Variants in ZNF783 observed in about 807,000 individuals in gnomAD.
ZNF783 encodes protein ZNF783.
ZNF783 carries 25 observed loss-of-function variants against 31.3 expected under a neutral mutation model. The ratio of observed to expected loss-of-function variants is 0.80; its 90% CI spans 0.58 to 1.11. The LOEUF (loss-of-function observed/expected upper bound fraction) is 1.11. Ranked by LOEUF, ZNF783 falls within the 50% of genes most tolerant of loss-of-function variation. The pLI is 0.00. For synonymous variants in ZNF783, 369 were observed against 319.1 expected, an observed-to-expected ratio of 1.16 and a Z score of -1.66; for missense variants, 797 against 760.0, an observed-to-expected ratio of 1.05 and a Z score of -0.57.
At chr7:149,277,794 A>G (rs1208065615) in intron 4 of ZNF783, 1 of 151,626 alleles carries the variant, frequency 6.6e-6, no homozygotes, top group African/African-American at 2.4e-5. Context: ...CTTGTGTGAG[A>G]GGACAAGTGC....
chr7:149,278,253 T>A, intron 4 of ZNF783, 146 bp from the exon 5 acceptor site: 1 of 1,436,328 alleles, frequency 7.0e-7, no homozygotes, highest in Non-Finnish European at 9.1e-7. Flanking sequence ...TGCCAGGTAT[T>A]TGGTGGGGTC....
At chr7:149,274,363 T>C (rs940852627) in intron 4 of ZNF783, among the ~76,000 whole-genome samples, 2 of 151,260 alleles carry the variant, frequency 1.3e-5, no homozygotes, top group Non-Finnish European at 2.9e-5. Context: ...TTTTTCCTTT[T>C]CTTTTTTTTT....
rs61735518 is a variant in ZNF783, at chr7:149,282,232, C to T, written c.1530C>T (p.Ala510=). The T allele has an allele frequency of 0.13, 210,388 of 1,597,864 alleles. 15,271 individuals are homozygous for T. The highest frequency in any genetic ancestry group is 0.15 in the Non-Finnish European group (174,142 of 1,179,232). The part of the protein sequence containing the change: ...GRTFNRNHHL[A]VHMQTHARGQ... ...CCTTCAACCGCAACCACCACCTGGC[C>T]GTGCACATGCAGACCCACGCCCGAG... The change falls in exon 6 of 6, where the codon GCC becomes GCT. Residue 510 remains alanine, a synonymous_variant. Coordinates refer to ENST00000434415, the MANE Select transcript of ZNF783 (RefSeq NM_001195220.2).
chr7:149,279,632 GTTTTTTTTTTTT>G (rs764203926), intron 5 of ZNF783, among the ~76,000 whole-genome samples: 1 of 100,342 alleles, frequency 1.0e-5, no homozygotes, highest in Non-Finnish European at 2.0e-5. Flanking sequence ...TTTTATCTTT[GTTTTTTTTTTTT>G]TTTTTTTTTT....
Position 149,281,691 on chromosome 7 carries a change from C to T in ZNF783, c.989C>T (p.Pro330Leu), listed in dbSNP as rs1383246821. 8 of 1,495,526 alleles carry T rather than the reference C, an allele frequency of 5.3e-6. No individual in the cohort carries two copies. Among genetic ancestry groups the T allele is most frequent in the Non-Finnish European group, 6.2e-6 (7 of 1,132,518 alleles). The allele number at this position is 1,495,526 out of a possible 1,614,324, so 92.6% of individuals were successfully genotyped here. A position where few individuals can be genotyped will look rare whatever the true frequency, so the allele number is the denominator to read the frequency against. ...MPRVRAGEPR[P>L]PGASGETPRV... ...AGGGTGCGGGCAGGGGAGCCACGGC[C>T]ACCGGGGGCCAGTGGGGAGACGCCC... is the stretch of plus-strand genomic sequence containing the variant. Residue 330 changes from proline to leucine, a missense_variant, in exon 6 of 6, where the codon CCA (proline) becomes CTA (leucine). Pro to Leu is a moderately conservative substitution (Grantham distance 98). Coordinates refer to ENST00000434415, the MANE Select transcript of ZNF783 (RefSeq NM_001195220.2).
At chr7:149,269,111 C>T (rs7800756) in intron 4 of ZNF783, among the ~76,000 whole-genome samples, 17,997 of 152,068 alleles carry the variant, frequency 0.12, 1,273 homozygotes, top group African/African-American at 0.19. Context: ...CAGCATCTGA[C>T]GGTTTTTGAG....
intron 1 of ZNF783, among the ~76,000 whole-genome samples, chr7:149,264,107 GC>G (rs1797004476): frequency 6.6e-6 from 1 of 152,080 alleles, no homozygotes; most frequent in South Asian, 2.1e-4. Context: ...ACTCTTGTTA[GC>G]CCATCCTATC....
At chr7:149,263,417 T>G (rs1234018698) in intron 1 of ZNF783, among the ~76,000 whole-genome samples, 1 of 151,054 alleles carries the variant, frequency 6.6e-6, no homozygotes, top group Non-Finnish European at 1.5e-5. Flanking sequence ...CCTCCCGGGT[T>G]CAAGGTATTC....
At position 149,282,730 on chromosome 7, in the gene ZNF783, A is replaced by AGT. The variant is rs1412465270; in HGVS notation, c.*389_*390dup. On this transcript the variant is annotated 3_prime_UTR_variant, in exon 6 of 6. Coordinates refer to ENST00000434415, the MANE Select transcript of ZNF783 (RefSeq NM_001195220.2). The stretch of plus-strand genomic sequence containing the variant: ...CTGCTGTCACCATGAGAAACAGTGG[A>AGT]GTGGAGTGGATGGATGGCCTGACTT... 1 of 196,320 alleles carries AGT rather than the reference A, an allele frequency of 5.1e-6. No homozygotes were observed. The highest frequency in any genetic ancestry group is 2.3e-5 in the African/African-American group (1 of 43,206). The allele number at this position is 196,320 out of a possible 1,614,324, so 12.2% of individuals were successfully genotyped here.
rs1797382944 is a variant in ZNF783, at chr7:149,278,405, C to T, written c.680C>T (p.Pro227Leu). 5 of 1,599,190 alleles carry T rather than the reference C, an allele frequency of 3.1e-6. No homozygotes were observed. Among genetic ancestry groups the T allele is most frequent in the African/African-American group, 1.3e-5 (1 of 74,864 alleles). The part of the protein sequence containing the change: ...GRPRMMGTGL[P>L]PYPEHLTSPL... ...ACTGATTTACATTCTCCAGGCCTCC[C>T]TCCGTATCCAGAGCACCTCACCAGC... The change falls in exon 5 of 6, where the codon CCT becomes CTT. Residue 227 changes from proline (P) to leucine (L), a missense_variant. Physicochemically the swap from Pro to Leu is moderately conservative, Grantham distance 98. Transcript: ENST00000434415.
In ZNF783 at chr7:149,282,236, C is replaced by A; in HGVS notation, c.1534C>A (p.His512Asn). Residue 512 changes from histidine to asparagine, a missense_variant, in exon 6 of 6, where the codon CAC becomes AAC. Physicochemically the swap from His to Asn is moderately conservative, Grantham distance 68. Coordinates refer to ENST00000434415, the MANE Select transcript of ZNF783 (RefSeq NM_001195220.2). ...CAACCGCAACCACCACCTGGCCGTG[C>A]ACATGCAGACCCACGCCCGAGGCCA... ...TFNRNHHLAV[H>N]MQTHARGQVG... The A allele has an allele frequency of 6.3e-7, 1 of 1,598,034 alleles. No homozygotes were observed. The highest frequency in any genetic ancestry group is 8.5e-7 in the Non-Finnish European group (1 of 1,179,458).
intron 1 of ZNF783, among the ~76,000 whole-genome samples, chr7:149,263,466 C>T (rs1478715141): frequency 6.6e-6 from 1 of 151,842 alleles, no homozygotes; most frequent in Non-Finnish European, 1.5e-5. Flanking sequence ...GCTGGGATTA[C>T]AGGCGCAGGT....
chr7:149,272,903 C>T lies in ZNF783; in HGVS notation c.674-5496C>T, dbSNP rs1010012026. On this transcript the variant is annotated intron_variant, in intron 4 of 5. Transcript: ENST00000434415. ...TTCCCCCCTCGCACCTTCCCCCAAC[C>T]CTTCCCAGCCTTCAGTAACCATCAT... 2.6e-5 allele frequency among the ~76,000 whole-genome samples: 4 copies of T among 151,610 alleles called. No homozygotes were observed. In the South Asian group the frequency reaches 8.3e-4, roughly 32 times the overall value.
chr7:149,268,611 C>G (rs574001611), intron 4 of ZNF783, among the ~76,000 whole-genome samples: 1 of 152,296 alleles, frequency 6.6e-6, no homozygotes, highest in East Asian at 1.9e-4. Context: ...TTCCCTTCCC[C>G]CTGTAGTAGT....
chr7:149,282,376 G>C lies in ZNF783; in HGVS notation c.*33G>C, dbSNP rs1456532112. 7.0e-7 allele frequency: 1 copy of C among 1,438,730 alleles called. No individual in the cohort carries two copies. Among genetic ancestry groups the C allele is most frequent in the South Asian group, 1.4e-5 (1 of 69,396 alleles). The allele number at this position is 1,438,730 out of a possible 1,614,324, so 89.1% of individuals were successfully genotyped here. Reference sequence around the variant, plus strand: ...GGAGCCCACAGAGGACCCCTGGCGGGGTCTCTCCCCTGTGCCTGACGCAGG... The same window carrying C: ...GGAGCCCACAGAGGACCCCTGGCGGCGTCTCTCCCCTGTGCCTGACGCAGG... On this transcript the variant is annotated 3_prime_UTR_variant, in exon 6 of 6. Transcript: ENST00000434415.
chr7:149,271,716 C>G (rs945702211), intron 4 of ZNF783, among the ~76,000 whole-genome samples: 2 of 152,182 alleles, frequency 1.3e-5, no homozygotes, highest in African/African-American at 4.8e-5. Flanking sequence ...TGGCCTCTCA[C>G]TATAGATAAT....
In ZNF783 at chr7:149,265,033, G is replaced by A. The variant is rs79737107; in HGVS notation, c.25-1302G>A. Among the ~76,000 whole-genome samples, 341 of 152,226 alleles carry A rather than the reference G, an allele frequency of 2.2e-3. 2 individuals carry two copies. The highest frequency in any genetic ancestry group is 8.0e-3 in the African/African-American group (334 of 41,514). On this transcript the variant is annotated intron_variant, in intron 1 of 5. Coordinates refer to ENST00000434415, the MANE Select transcript of ZNF783 (RefSeq NM_001195220.2). ...AAGGCTGGAAGTGGGGAAATCAGGT[G>A]GGCAGGACCGCAGTGGCCCAGGCCA... is the stretch of plus-strand genomic sequence containing the variant.
At chr7:149,273,085 C>CT (rs1043081685) in intron 4 of ZNF783, among the ~76,000 whole-genome samples, 3 of 152,166 alleles carry the variant, frequency 2.0e-5, no homozygotes, top group Non-Finnish European at 2.9e-5. Context: ...GGATCTCATT[C>CT]TTTTTTTATA....
In ZNF783 at chr7:149,283,658, G is replaced by C. The variant is rs1797536458; in HGVS notation, c.*1315G>C. 1 of 152,210 alleles carries C rather than the reference G, an allele frequency of 6.6e-6. No homozygotes were observed. The highest frequency in any genetic ancestry group is 2.4e-5 in the African/African-American group (1 of 41,442). The allele number at this position is 152,210 out of a possible 1,614,324, so 9.4% of individuals were successfully genotyped here. ...TCTCCTCTCAAAGGAGTTCTCCCTT[G>C]AGCACTTTGGGCTCTGGGGCAGAGT... On this transcript the variant is annotated 3_prime_UTR_variant, in exon 6 of 6. Transcript: ENST00000434415.
Sources: gnomAD v4.1 joint callset for allele counts (sites outside exome capture counted in the v4.1 genomes callset) on GRCh38, gnomAD v4.1.1 for gene constraint, MANE v1.5 for transcripts, NCBI Gene and HGNC (gene_info 2026-07-23, HGNC 2026-07-21) for gene names.